Variants in PDE4D observed in about 807,000 individuals in gnomAD.
The protein encoded by PDE4D is 3',5'-cyclic-AMP phosphodiesterase 4D.
In PDE4D, 24 loss-of-function variants were observed where a neutral mutation model predicts 87.4. The observed-to-expected ratio is 0.27, with a 90% CI of 0.20 to 0.39. The LOEUF (loss-of-function observed/expected upper bound fraction) is 0.39, where lower values mean the gene tolerates loss of function less well. Among genes scored for constraint, PDE4D ranks in the 10% least tolerant of loss-of-function variants. The pLI is 1.00. For missense variants in PDE4D, 714 were observed against 1,041.0 expected, an observed-to-expected ratio of 0.69 and a Z score of 4.32; for synonymous variants, 384 against 383.2, an observed-to-expected ratio of 1.00 and a Z score of -0.02.
chr5:60,237,461 TG>T (rs1746554225), intron 1 of PDE4D, among the ~76,000 whole-genome samples: 1 of 152,004 alleles, frequency 6.6e-6, no homozygotes, highest in African/African-American at 2.4e-5. Flanking sequence ...TACAACAGCT[TG>T]GAGGATCTCA....
chr5:58,984,508 T>A (rs1745963387), intron 11 of PDE4D, among the ~76,000 whole-genome samples: 1 of 152,226 alleles, frequency 6.6e-6, no homozygotes, highest in Admixed American at 6.5e-5. Flanking sequence ...TTGATAAACA[T>A]GAATTTATCC....
At chr5:59,407,298 T>G (rs258116) in intron 1 of PDE4D, among the ~76,000 whole-genome samples, 1 of 152,062 alleles carries the variant, frequency 6.6e-6, no homozygotes, top group Non-Finnish European at 1.5e-5. Context: ...TCCACCATGA[T>G]TGAAAGCTCC....
chr5:60,518,601 G>A (rs535809138), intron 1 of PDE4D, among the ~76,000 whole-genome samples: 33 of 152,280 alleles, frequency 2.2e-4, no homozygotes, highest in Admixed American at 1.8e-3. Context: ...AACTACAAGA[G>A]TTCATACACA....
rs3062592 is a variant in PDE4D at position 59,792,402 on chromosome 5, C to CTGTGTGTGTGTGTGTGTGTGTG, written c.455+100744_455+100765dup. ...CAACCAACTTTGAGGCTCCAAGAAG[C>CTGTGTGTGTGTGTGTGTGTGTG]TGTGTGTGTGTGTGTGTGTGTGTGT... On this transcript the variant is annotated intron_variant, in intron 1 of 14. Transcript: ENST00000340635. Among the ~76,000 whole-genome samples the CTGTGTGTGTGTGTGTGTGTGTG allele has an allele frequency of 6.0e-3, 827 of 138,814 alleles. 23 individuals are homozygous for CTGTGTGTGTGTGTGTGTGTGTG. Among genetic ancestry groups the CTGTGTGTGTGTGTGTGTGTGTG allele is most frequent in the African/African-American group, 0.021 (760 of 35,536 alleles). The allele number at this position is 138,814 out of a possible 152,430, so 91.1% of individuals were successfully genotyped here. A position where few individuals can be genotyped will look rare whatever the true frequency, so the allele number is the denominator to read the frequency against.
chr5:59,335,663 T>C (rs1478910217), intron 1 of PDE4D, among the ~76,000 whole-genome samples: 2 of 152,166 alleles, frequency 1.3e-5, no homozygotes, highest in Non-Finnish European at 2.9e-5. Context: ...AGGGATGAAG[T>C]AAGAATTGCT....
At chr5:59,953,763 C>G (rs1348025967) in intron 3 of PDE4D, among the ~76,000 whole-genome samples, 1 of 152,190 alleles carries the variant, frequency 6.6e-6, no homozygotes, top group East Asian at 1.9e-4. Context: ...TAGCAATACT[C>G]TCCCATTTGC....
At chr5:59,995,731 C>T (rs1319846905) in intron 2 of PDE4D, among the ~76,000 whole-genome samples, 1 of 152,272 alleles carries the variant, frequency 6.6e-6, no homozygotes, top group South Asian at 2.1e-4. Flanking sequence ...AGCCTGACAA[C>T]TGTAGGAGAA....
chr5:59,960,389 T>A (rs994658648), intron 3 of PDE4D, among the ~76,000 whole-genome samples: 8 of 152,034 alleles, frequency 5.3e-5, no homozygotes, highest in African/African-American at 1.9e-4. Context: ...ACCAAAGAGA[T>A]GCCTGCACTT....
intron 1 of PDE4D, among the ~76,000 whole-genome samples, chr5:60,227,596 A>AGAG (rs1330074679): frequency 9.5e-6 from 1 of 105,244 alleles, no homozygotes; most frequent in East Asian, 3.2e-4. Flanking sequence ...AGGAAGGGGG[A>AGAG]GAGAGGGAGG....
At chr5:59,471,556 C>A (rs1802450408) in intron 1 of PDE4D, among the ~76,000 whole-genome samples, 1 of 152,204 alleles carries the variant, frequency 6.6e-6, no homozygotes, top group African/African-American at 2.4e-5. Flanking sequence ...CACAAAGCAG[C>A]ACAAATAGCT....
chr5:59,429,495 T>G (rs148257452), intron 1 of PDE4D, among the ~76,000 whole-genome samples: 73 of 152,198 alleles, frequency 4.8e-4, no homozygotes, highest in African/African-American at 1.5e-3. Context: ...GTAGATATAA[T>G]TAGAAAAAGA....
chr5:59,277,800 G>A (rs866602394), intron 1 of PDE4D, among the ~76,000 whole-genome samples: 2 of 152,264 alleles, frequency 1.3e-5, no homozygotes, highest in South Asian at 4.1e-4. Flanking sequence ...ACACACACAA[G>A]TTTAGTGCAG....
Position 59,380,303 on chromosome 5 carries a change from T to TA in PDE4D, c.456-164336dup, listed in dbSNP as rs1478336116. ...CATGAAAATTAGAATCTAAAGCAAT[T>TA]AAAAAAACTATTAGGAAATGAAAAA... On this transcript the variant is annotated intron_variant, in intron 1 of 14. Coordinates refer to ENST00000340635, the MANE Select transcript of PDE4D (RefSeq NM_001104631.2). Among the ~76,000 whole-genome samples, 7 of 116,104 alleles carry TA rather than the reference T, an allele frequency of 6.0e-5. 1 individual carries two copies. In the South Asian group the frequency reaches 1.6e-3, roughly 26 times the overall value. The allele number at this position is 116,104 out of a possible 152,430, so 76.2% of individuals were successfully genotyped here.
intron 1 of PDE4D, among the ~76,000 whole-genome samples, chr5:60,243,512 A>T (rs908454832): frequency 1.3e-5 from 2 of 152,008 alleles, no homozygotes; most frequent in Non-Finnish European, 2.9e-5. Context: ...ACATCAAGAA[A>T]AGAAAACTGC....
chr5:59,923,111 AG>A (rs1220911114), intron 3 of PDE4D, among the ~76,000 whole-genome samples: 1 of 152,108 alleles, frequency 6.6e-6, no homozygotes, highest in East Asian at 1.9e-4. Flanking sequence ...CCTCAGGGAA[AG>A]TCTCCTCTGC....
intron 1 of PDE4D, among the ~76,000 whole-genome samples, chr5:59,576,500 T>C (rs977705361): frequency 2.6e-5 from 4 of 152,144 alleles, no homozygotes; most frequent in African/African-American, 7.2e-5. Context: ...ACAATATAAT[T>C]TTTATTTATC....
At chr5:60,370,535 G>C (rs1256548227) in intron 1 of PDE4D, among the ~76,000 whole-genome samples, 2 of 152,108 alleles carry the variant, frequency 1.3e-5, no homozygotes, top group Middle Eastern at 3.2e-3. Flanking sequence ...GTAATAAGAA[G>C]AAAGAAAATG....
chr5:59,649,932 T>TTTTTTTTTTTTTTTTTTTC (rs1219411329), intron 1 of PDE4D, among the ~76,000 whole-genome samples: 2 of 141,746 alleles, frequency 1.4e-5, no homozygotes, highest in Non-Finnish European at 3.0e-5. Flanking sequence ...TTTTTTTTTT[T>TTTTTTTTTTTTTTTTTTTC]AGCAATGACC....
chr5:59,964,139 T>C (rs1207610381), intron 3 of PDE4D, among the ~76,000 whole-genome samples: 1 of 152,178 alleles, frequency 6.6e-6, no homozygotes, highest in Non-Finnish European at 1.5e-5. Flanking sequence ...GCCAATGTAA[T>C]GGGCCTAGAA....
Sources: allele counts gnomAD v4.1 joint callset (sites outside exome capture counted in the v4.1 genomes callset), GRCh38; gene constraint gnomAD v4.1.1; transcripts MANE v1.5; gene names NCBI Gene and HGNC (gene_info 2026-07-23, HGNC 2026-07-21).